The following GAS2 variants were observed in gnomAD, a reference collection of about 807,000 sequenced individuals.
The protein encoded by GAS2 is growth arrest specific 2.
A neutral mutation model predicts 37.5 loss-of-function variants in GAS2; 20 were observed. That is an observed-to-expected ratio of 0.53 (90% confidence interval 0.37 to 0.77). The LOEUF is 0.77. Ranked by LOEUF, GAS2 falls within the 30% of genes least tolerant of loss-of-function variation. The pLI is 0.00. For missense variants in GAS2, 336 were observed against 373.4 expected, an observed-to-expected ratio of 0.90 and a Z score of 0.82; for synonymous variants, 144 against 132.2, an observed-to-expected ratio of 1.09 and a Z score of -0.61.
At chr11:22,762,935 A>C (rs1183438574) in intron 7 of GAS2, among the ~76,000 whole-genome samples, 1 of 152,200 alleles carries the variant, frequency 6.6e-6, no homozygotes, top group Non-Finnish European at 1.5e-5. Context: ...TTATTTTTTA[A>C]GTAGACTGGT....
intron 1 of GAS2, among the ~76,000 whole-genome samples, chr11:22,631,419 C>G (rs1050652753): frequency 6.6e-6 from 1 of 151,924 alleles, no homozygotes; most frequent in Non-Finnish European, 1.5e-5. Context: ...CGTTCCAATT[C>G]TTAGGGGGAA....
intron 3 of GAS2, among the ~76,000 whole-genome samples, chr11:22,721,760 A>T (rs1030817422): frequency 1.3e-5 from 2 of 152,204 alleles, no homozygotes; most frequent in African/African-American, 2.4e-5. Flanking sequence ...TTAGAAAACT[A>T]TTCAGAAGCT....
chr11:22,646,953 G>C (rs1443910880), intron 1 of GAS2, among the ~76,000 whole-genome samples: 3 of 146,080 alleles, frequency 2.1e-5, no homozygotes, highest in South Asian at 4.4e-4. Flanking sequence ...TTAAGTTTTA[G>C]GGTACATGTG....
At chr11:22,629,822 CACTT>C (rs1351953629) in intron 1 of GAS2, among the ~76,000 whole-genome samples, 7 of 152,184 alleles carry the variant, frequency 4.6e-5, no homozygotes, top group South Asian at 2.1e-4. Flanking sequence ...AATTAAGTCT[CACTT>C]ATTTATTTTT....
chr11:22,679,043 A>AGCT (rs1487005430), intron 2 of GAS2, among the ~76,000 whole-genome samples: 1 of 152,102 alleles, frequency 6.6e-6, no homozygotes, highest in Non-Finnish European at 1.5e-5. Flanking sequence ...GGTTAATAGT[A>AGCT]GCTGGGATTT....
chr11:22,665,205 G>A (rs187891260), upstream of GAS2, among the ~76,000 whole-genome samples: 2 of 152,132 alleles, frequency 1.3e-5, no homozygotes, highest in Admixed American at 6.5e-5. Context: ...CATATCTGGG[G>A]AGAAATAGGA....
chr11:22,646,041 C>T (rs1395885358), intron 1 of GAS2, among the ~76,000 whole-genome samples: 4 of 151,956 alleles, frequency 2.6e-5, no homozygotes, highest in African/African-American at 9.7e-5. Flanking sequence ...CGGGGTTTCT[C>T]CATGTTGGTC....
intron 3 of GAS2, among the ~76,000 whole-genome samples, chr11:22,718,226 C>T (rs1054069573): frequency 2.6e-5 from 4 of 151,822 alleles, no homozygotes; most frequent in Admixed American, 6.6e-5. Context: ...CCTAAATATC[C>T]ATCAACTAAT....
intron 1 of GAS2, among the ~76,000 whole-genome samples, chr11:22,637,445 TATA>T (rs1376666021): frequency 1.8e-4 from 6 of 32,548 alleles, no homozygotes; most frequent in South Asian, 1.6e-3. Flanking sequence ...GTATACTTAA[TATA>T]ATATTAATTA....
At chr11:22,725,397 G>A (rs1852152144) in intron 3 of GAS2, among the ~76,000 whole-genome samples, 1 of 151,980 alleles carries the variant, frequency 6.6e-6, no homozygotes, top group Non-Finnish European at 1.5e-5. Context: ...TATATCCTGT[G>A]GTTTAAAAGA....
At position 22,670,572 on chromosome 11, in the gene GAS2, A is replaced by C. The variant is rs191544157; in HGVS notation, c.-21+3673A>C. ...TTCCGTTTTGGGATAGGTCAATAGA[A>C]GTTTTATTTTGGCACATTTCTGATG... is the stretch of plus-strand genomic sequence containing the variant. On this transcript the variant is annotated intron_variant, in intron 1 of 7. Coordinates refer to ENST00000454584, the MANE Select transcript of GAS2 (RefSeq NM_001143830.3). Among the ~76,000 whole-genome samples, 10 of 152,248 alleles carry C rather than the reference A, an allele frequency of 6.6e-5. No homozygotes were observed. The East Asian group carries it at 1.9e-3, about 29-fold the overall frequency.
chr11:22,678,350 A>G (rs542680263), intron 2 of GAS2, among the ~76,000 whole-genome samples: 2 of 152,286 alleles, frequency 1.3e-5, no homozygotes, highest in African/African-American at 4.8e-5. Flanking sequence ...TAGAGGAATT[A>G]AAGTGAATTT....
intron 6 of GAS2, among the ~76,000 whole-genome samples, chr11:22,750,142 G>A (rs1853649657): frequency 6.6e-6 from 1 of 152,080 alleles, no homozygotes; most frequent in Non-Finnish European, 1.5e-5. Flanking sequence ...AGGCATTAGA[G>A]TGACGTATGT....
At chr11:22,763,414 G>A (rs953690001) in intron 7 of GAS2, among the ~76,000 whole-genome samples, 1 of 152,096 alleles carries the variant, frequency 6.6e-6, no homozygotes, top group African/African-American at 2.4e-5. Flanking sequence ...GGCACATACT[G>A]ATTTACTGTG....
intron 3 of GAS2, among the ~76,000 whole-genome samples, chr11:22,701,335 G>T (rs1020753041): frequency 6.6e-6 from 1 of 152,094 alleles, no homozygotes; most frequent in Non-Finnish European, 1.5e-5. Context: ...GATAGTTTGA[G>T]TATATGTTAG....
intron 1 of GAS2, among the ~76,000 whole-genome samples, chr11:22,632,283 C>G (rs1565058692): frequency 6.6e-6 from 1 of 152,050 alleles, no homozygotes. Flanking sequence ...GTCTGAGAAA[C>G]AGTTTATTTT....
chr11:22,670,681 ATTATCT>A (rs935161583), intron 1 of GAS2, among the ~76,000 whole-genome samples: 3 of 152,120 alleles, frequency 2.0e-5, no homozygotes, highest in African/African-American at 4.8e-5. Flanking sequence ...AATCCTCACA[ATTATCT>A]TTAAGTTTTC....
chr11:22,787,661 T>C (rs987759293), intron 7 of GAS2, among the ~76,000 whole-genome samples: 4 of 152,116 alleles, frequency 2.6e-5, no homozygotes, highest in Admixed American at 6.6e-5. Context: ...GTGAGAAGCG[T>C]TGGGGGAAAA....
intron 6 of GAS2, among the ~76,000 whole-genome samples, chr11:22,750,518 A>G (rs1050428021): frequency 7.9e-5 from 12 of 152,112 alleles, no homozygotes; most frequent in Non-Finnish European, 1.3e-4. Context: ...TCACTCAGGA[A>G]CTAAAGAAGA....
Sources: allele counts gnomAD v4.1 joint callset (sites outside exome capture counted in the v4.1 genomes callset), GRCh38; gene constraint gnomAD v4.1.1; transcripts MANE v1.5; gene names NCBI Gene and HGNC (gene_info 2026-07-23, HGNC 2026-07-21).